The following USP28 variants were observed in gnomAD, a reference collection of about 807,000 sequenced individuals.
The protein encoded by USP28 is ubiquitin carboxyl-terminal hydrolase 28.
In USP28, 113 loss-of-function variants were observed where a neutral mutation model predicts 145.0. The observed-to-expected ratio is 0.78, with a 90% confidence interval of 0.67 to 0.91. The LOEUF (loss-of-function observed/expected upper bound fraction) is 0.91. USP28 is among the 40% of genes least tolerant of loss of function. USP28 has a pLI of 0.00. For missense variants in USP28, 1,201 were observed against 1,289.6 expected (o/e 0.93, Z 1.05); for synonymous variants, 447 against 450.9 (o/e 0.99, Z 0.11).
At chr11:113,858,294 T>A (rs534089433) in intron 1 of USP28, among the ~76,000 whole-genome samples, 1 of 152,178 alleles carries the variant, frequency 6.6e-6, no homozygotes, top group African/African-American at 2.4e-5. Context: ...TCAAAGACCA[T>A]TACCTGATCC....
intron 16 of USP28, among the ~76,000 whole-genome samples, chr11:113,811,088 AAG>A (rs1330161167): frequency 2.6e-5 from 4 of 152,240 alleles, no homozygotes; most frequent in African/African-American, 9.6e-5. Context: ...ATGTGAAAGA[AAG>A]AGAGAATAAT....
At chr11:113,848,770 C>CA (rs1946147185) in intron 3 of USP28, among the ~76,000 whole-genome samples, 1 of 152,164 alleles carries the variant, frequency 6.6e-6, no homozygotes, top group African/African-American at 2.4e-5. Flanking sequence ...ACTTGTCCTT[C>CA]AAGCAATAAT....
exon 25 of USP28, chr11:113,798,135 C>T (rs12416854): frequency 1.5e-5 from 2 of 135,224 alleles, no homozygotes; most frequent in Admixed American, 8.2e-5. Context: ...AAAAGAAGGC[C>T]GGGTACGATG....
chr11:113,800,129 C>CGGAA (rs1938696424), intron 24 of USP28, among the ~76,000 whole-genome samples: 1 of 152,008 alleles, frequency 6.6e-6, no homozygotes, highest in Admixed American at 6.6e-5. Flanking sequence ...CCTCAGCCTC[C>CGGAA]CAAGTAGCTG....
chr11:113,813,159 T>G (rs188902609), intron 15 of USP28, among the ~76,000 whole-genome samples: 15 of 152,348 alleles, frequency 9.8e-5, no homozygotes, highest in Admixed American at 8.5e-4. Context: ...TTTGACCTAT[T>G]TTAATTACTG....
chr11:113,867,394 G>A (rs1948382913), intron 1 of USP28, among the ~76,000 whole-genome samples: 1 of 152,162 alleles, frequency 6.6e-6, no homozygotes, highest in South Asian at 2.1e-4. Context: ...AGCCTCCCAA[G>A]TAGCTGGAAT....
intron 1 of USP28, among the ~76,000 whole-genome samples, chr11:113,864,289 T>C (rs939518678): frequency 1.3e-5 from 2 of 151,998 alleles, no homozygotes; most frequent in Admixed American, 6.6e-5. Context: ...CCTAAATAAA[T>C]TGAAAAACAT....
At chr11:113,871,816 G>C (rs1347105496) in intron 1 of USP28, among the ~76,000 whole-genome samples, 1 of 152,184 alleles carries the variant, frequency 6.6e-6, no homozygotes, top group Admixed American at 6.5e-5. Flanking sequence ...AAAACATTAG[G>C]AGAGTTCTAG....
chr11:113,816,960 T>C lies in USP28; in HGVS notation c.1463+698A>G, dbSNP rs184107170. ...CTATGCATACATGGATGAATAAATA[T>C]TAATACGTGGGGCGGTGGCGGGGGA... On this transcript the variant is annotated intron_variant, in intron 13 of 24. Transcript: ENST00000003302. Among the ~76,000 whole-genome samples the C allele has an allele frequency of 3.3e-5, 5 of 152,300 alleles. No individual in the cohort carries two copies. In the East Asian group the frequency reaches 5.8e-4, roughly 18 times the overall value.
exon 7 of USP28, chr11:113,833,458 G>A: frequency 6.2e-7 from 1 of 1,614,156 alleles, no homozygotes; most frequent in Non-Finnish European, 8.5e-7. Flanking sequence ...CCCTTTAATA[G>A]ATCCAGGGCT....
rs950008132 is a variant in USP28 at position 113,805,284 on chromosome 11, A to G, written c.2401-238T>C. Among the ~76,000 whole-genome samples, 6 of 145,470 alleles carry G rather than the reference A, an allele frequency of 4.1e-5. 1 individual carries two copies. The South Asian group carries it at 8.6e-4, about 21-fold the overall frequency. On this transcript the variant is annotated intron_variant, in intron 19 of 24. Transcript: ENST00000003302. Reference sequence around the variant, plus strand: ...CTTTTTTTTTTTTTTGAGACAGAGTATCACTTTGTCACCCAGGCTGGAGTT... The same window carrying G: ...CTTTTTTTTTTTTTTGAGACAGAGTGTCACTTTGTCACCCAGGCTGGAGTT...
chr11:113,863,514 G>A (rs532994556), intron 1 of USP28, among the ~76,000 whole-genome samples: 167 of 151,870 alleles, frequency 1.1e-3, no homozygotes, highest in African/African-American at 3.9e-3. Context: ...GTGTGGTGGC[G>A]CGTGCCTGTA....
chr11:113,806,817 T>C (rs566608846), intron 18 of USP28, among the ~76,000 whole-genome samples: 1 of 152,162 alleles, frequency 6.6e-6, no homozygotes, highest in Non-Finnish European at 1.5e-5. Context: ...ACGCTCTATG[T>C]TCTAATTCAG....
intron 13 of USP28, among the ~76,000 whole-genome samples, chr11:113,816,019 T>C (rs1941681908): frequency 6.6e-6 from 1 of 152,198 alleles, no homozygotes; most frequent in Admixed American, 6.5e-5. Flanking sequence ...ATCTACAAAA[T>C]ATAAATCTTA....
chr11:113,841,563 A>G (rs1182001669), intron 4 of USP28, 100 bp downstream of exon 4: 18 of 700,422 alleles, frequency 2.6e-5, no homozygotes, highest in Non-Finnish European at 4.0e-5. Context: ...AATGTCATTC[A>G]GGTGCTTAAC....
intron 15 of USP28, among the ~76,000 whole-genome samples, chr11:113,813,006 T>C (rs1357378757): frequency 1.3e-5 from 2 of 152,222 alleles, no homozygotes; most frequent in Non-Finnish European, 1.5e-5. Context: ...ACCCTTTTAA[T>C]GACATACTTG....
At position 113,851,522 on chromosome 11, in the gene USP28, G is replaced by A. The variant is rs369064642; in HGVS notation, c.268+979C>T. On this transcript the variant is annotated intron_variant, in intron 3 of 24. Transcript: ENST00000003302. ...TCTTAAAAGTCCATCCCAGCCAGGAGCAGTGGCTCACACCTGTAATCCTAG... is the reference window on the plus strand; with the variant it reads ...TCTTAAAAGTCCATCCCAGCCAGGAACAGTGGCTCACACCTGTAATCCTAG... Among the ~76,000 whole-genome samples, 132 of 152,286 alleles carry A rather than the reference G, an allele frequency of 8.7e-4. 1 individual carries two copies. The South Asian group carries it at 0.027, about 31-fold the overall frequency.
At chr11:113,839,840 T>C (rs1591355270) in intron 5 of USP28, among the ~76,000 whole-genome samples, 1 of 152,084 alleles carries the variant, frequency 6.6e-6, no homozygotes, top group Non-Finnish European at 1.5e-5. Context: ...CTGACCAACA[T>C]GATGAAACCC....
chr11:113,809,699 T>C (rs1940640033), intron 16 of USP28, among the ~76,000 whole-genome samples: 1 of 152,234 alleles, frequency 6.6e-6, no homozygotes, highest in African/African-American at 2.4e-5. Context: ...TAGGCACTCA[T>C]TAAACATCTG....
Sources: gnomAD v4.1 joint callset for allele counts (sites outside exome capture counted in the v4.1 genomes callset) on GRCh38, gnomAD v4.1.1 for gene constraint, MANE v1.5 for transcripts, NCBI Gene and HGNC (gene_info 2026-07-23, HGNC 2026-07-21) for gene names.